CHID1: variants seen among roughly 807,000 people sequenced by gnomAD.
CHID1 encodes chitinase domain containing 1.
A neutral mutation model predicts 55.4 loss-of-function variants in CHID1; 44 were observed. That is an observed-to-expected ratio of 0.79 (90% CI 0.62 to 1.02). The LOEUF is 1.02. Among genes scored for constraint, CHID1 ranks in the 50% least tolerant of loss-of-function variants. CHID1 has a pLI of 0.00. For synonymous variants in CHID1, 216 were observed against 212.9 expected (o/e 1.01, Z -0.13); for missense variants, 491 against 515.3 (o/e 0.95, Z 0.46).
rs1178981190 is a variant in CHID1 at position 867,980 on chromosome 11, C to T, written c.*1878G>A. 1 of 152,136 alleles carries T rather than the reference C, an allele frequency of 6.6e-6. No homozygotes were observed. The highest frequency in any genetic ancestry group is 1.5e-5 in the Non-Finnish European group (1 of 68,034). 9.4% of individuals were successfully genotyped at this position (152,136 alleles called of 1,614,324 possible). A position where few individuals can be genotyped will look rare whatever the true frequency, so the allele number is the denominator to read the frequency against. On this transcript the variant is annotated 3_prime_UTR_variant, in exon 13 of 13. Transcript: ENST00000323578. ...AGTTCAGGTTGGGGCATCTGATCCC[C>T]AAACTGCACCCCACAATCTCATTTC...
chr11:885,765 C>T (rs1189284355), intron 8 of CHID1, among the ~76,000 whole-genome samples: 1 of 152,200 alleles, frequency 6.6e-6, no homozygotes, highest in Non-Finnish European at 1.5e-5. Flanking sequence ...GTCTCTATGT[C>T]ACCCAGGCTG....
chr11:909,989 G>T (rs188634224), intron 1 of CHID1, among the ~76,000 whole-genome samples: 1 of 152,108 alleles, frequency 6.6e-6, no homozygotes, highest in Non-Finnish European at 1.5e-5. Flanking sequence ...AAGCCCAGAA[G>T]CGGAGGTTGC....
intron 8 of CHID1, 85 bp downstream of exon 8, chr11:893,342 G>T: frequency 9.1e-7 from 1 of 1,095,348 alleles, no homozygotes; most frequent in Non-Finnish European, 1.3e-6. Context: ...GGAGGGCCTG[G>T]GCCCTTTGGC....
intron 8 of CHID1, among the ~76,000 whole-genome samples, chr11:886,546 G>A (rs1322961278): frequency 6.6e-6 from 1 of 152,204 alleles, no homozygotes; most frequent in African/African-American, 2.4e-5. Flanking sequence ...TTCTGGAGAC[G>A]GGGCCTTTAG....
At chr11:874,969 C>G (rs1022354178) in intron 10 of CHID1, 2 of 152,310 alleles carry the variant, frequency 1.3e-5, no homozygotes, top group South Asian at 4.1e-4. Context: ...TCGAGAGAAG[C>G]CCTTCCCAGG....
chr11:891,174 C>T (rs1850788396), intron 8 of CHID1, among the ~76,000 whole-genome samples: 1 of 152,156 alleles, frequency 6.6e-6, no homozygotes, highest in Non-Finnish European at 1.5e-5. Flanking sequence ...CCCACGGGAG[C>T]CTCAGCACCT....
chr11:876,386 G>C (rs1849517000), intron 10 of CHID1, among the ~76,000 whole-genome samples: 1 of 152,190 alleles, frequency 6.6e-6, no homozygotes. Context: ...TCGGGGCTCA[G>C]GGAGGGGCTG....
intron 2 of CHID1, 89 bp from the exon 3 acceptor site, chr11:903,200 C>A: frequency 1.5e-6 from 2 of 1,363,602 alleles, no homozygotes; most frequent in Non-Finnish European, 2.0e-6. Flanking sequence ...TTCCATTCAG[C>A]CAGCAGCCGA....
chr11:913,336 A>T (rs1259535356), upstream of CHID1, among the ~76,000 whole-genome samples: 1 of 152,210 alleles, frequency 6.6e-6, no homozygotes, highest in Non-Finnish European at 1.5e-5. Context: ...TTACTGAAGC[A>T]CCCGAGATTC....
chr11:903,086 T>C lies in CHID1; in HGVS notation c.137A>G (p.Gln46Arg), dbSNP rs1851944038. ...EKSQFSDKPV[Q>R]DRGLVVTDLK... is the part of the protein sequence containing the mutation. ...GTCCGTCACCACCAAACCCCGGTCT[T>C]GCACCGGCTTATCTGAAAACTGACT... is the stretch of plus-strand genomic sequence containing the variant. The change falls in exon 3 of 13, where the codon CAA becomes CGA. Residue 46 changes from glutamine (Q) to arginine (R), a missense_variant. Physicochemically the swap from Gln to Arg is conservative, Grantham distance 43. Coordinates refer to ENST00000323578, the MANE Select transcript of CHID1 (RefSeq NM_023947.4). The C allele has an allele frequency of 1.2e-6, 2 of 1,612,362 alleles. No individual in the cohort carries two copies. The highest frequency in any genetic ancestry group is 2.7e-5 in the African/African-American group (2 of 74,944).
chr11:898,897 T>C (rs542595236), intron 7 of CHID1, among the ~76,000 whole-genome samples: 2 of 152,162 alleles, frequency 1.3e-5, no homozygotes, highest in Non-Finnish European at 1.5e-5. Flanking sequence ...GAGGCCGCCA[T>C]GGCGGTCCAC....
At chr11:870,312 G>C in intron 11 of CHID1, 107 bp downstream of exon 11, 1 of 1,348,344 alleles carries the variant, frequency 7.4e-7, no homozygotes, top group Non-Finnish European at 1.0e-6. Context: ...CAGCAAGTGA[G>C]CTCGTGACCC....
intron 9 of CHID1, among the ~76,000 whole-genome samples, chr11:883,652 C>T (rs899275998): frequency 1.7e-4 from 26 of 152,368 alleles, no homozygotes; most frequent in Non-Finnish European, 3.7e-4. Context: ...CACCCCACAG[C>T]CACAGGCAGG....
upstream of CHID1, among the ~76,000 whole-genome samples, chr11:914,000 G>A (rs1035459158): frequency 4.6e-5 from 7 of 151,624 alleles, no homozygotes; most frequent in South Asian, 2.1e-4. Context: ...CCTGGGAGGC[G>A]GAGGTTGCAA....
upstream of CHID1, among the ~76,000 whole-genome samples, chr11:913,265 G>A (rs370567556): frequency 6.6e-6 from 1 of 151,890 alleles, no homozygotes; most frequent in Admixed American, 6.6e-5. Context: ...AACCTCCTGC[G>A]TCAGCCTCCC....
chr11:910,749 C>A, intron 1 of CHID1, 26 bp downstream of exon 1: 3 of 1,197,104 alleles, frequency 2.5e-6, no homozygotes, highest in South Asian at 1.5e-5. Context: ...GGAGGAGGAG[C>A]AGGGGCCGGC....
intron 10 of CHID1, among the ~76,000 whole-genome samples, chr11:876,223 G>A (rs1342971354): frequency 6.6e-6 from 1 of 152,172 alleles, no homozygotes; most frequent in African/African-American, 2.4e-5. Flanking sequence ...CAGATAGGGA[G>A]GACCCACAGG....
chr11:901,670 C>T (rs894393971), intron 4 of CHID1, among the ~76,000 whole-genome samples: 3 of 152,226 alleles, frequency 2.0e-5, no homozygotes, highest in African/African-American at 7.2e-5. Flanking sequence ...GCCTGTCCTG[C>T]ACACGCCTGT....
At chr11:911,480 C>G (rs1852684109), upstream of CHID1, 1 of 152,072 alleles carries the variant, frequency 6.6e-6, no homozygotes, top group Admixed American at 6.5e-5. Flanking sequence ...ACAGGCTGTC[C>G]GACCCCCACC....
Sources: gnomAD v4.1 joint callset for allele counts (sites outside exome capture counted in the v4.1 genomes callset) on GRCh38, gnomAD v4.1.1 for gene constraint, MANE v1.5 for transcripts, NCBI Gene and HGNC (gene_info 2026-07-23, HGNC 2026-07-21) for gene names.